CCDC33: variants seen among roughly 807,000 people sequenced by gnomAD.
CCDC33 encodes the protein coiled-coil domain-containing protein 33.
Under a neutral mutation model 91.9 loss-of-function variants are expected in CCDC33, and 94 were observed. The ratio of observed to expected loss-of-function variants is 1.02; its 90% CI spans 0.87 to 1.21. CCDC33 has a LOEUF of 1.21. CCDC33 is among the 50% of genes most tolerant of loss of function. The pLI is 0.00. For missense variants in CCDC33, 940 were observed against 935.5 expected, an observed-to-expected ratio of 1.00 and a Z score of -0.06; for synonymous variants, 396 against 374.5, an observed-to-expected ratio of 1.06 and a Z score of -0.66.
At chr15:74,254,704 G>C (rs1285933636) in intron 2 of CCDC33, among the ~76,000 whole-genome samples, 1 of 150,860 alleles carries the variant, frequency 6.6e-6, no homozygotes, top group Non-Finnish European at 1.5e-5. Context: ...AATGCTCCTG[G>C]CTCAGTCCTT....
upstream of CCDC33, among the ~76,000 whole-genome samples, chr15:74,233,432 C>A (rs1055043799): frequency 1.3e-5 from 2 of 152,246 alleles, no homozygotes; most frequent in African/African-American, 2.4e-5. Flanking sequence ...TCTGAATCCA[C>A]CGGCTGCTGG....
chr15:74,247,834 T>C (rs1386816252), intron 2 of CCDC33, among the ~76,000 whole-genome samples: 3 of 152,206 alleles, frequency 2.0e-5, no homozygotes, highest in Non-Finnish European at 4.4e-5. Flanking sequence ...CCCAGCATTT[T>C]GGGAGGCCAA....
At chr15:74,234,037 C>T (rs1056955387), upstream of CCDC33, among the ~76,000 whole-genome samples, 2 of 152,192 alleles carry the variant, frequency 1.3e-5, no homozygotes, top group East Asian at 3.9e-4. Context: ...CCTCAGACTC[C>T]AGGCCCCAGA....
chr15:74,296,548 C>T (rs909819487), intron 11 of CCDC33, among the ~76,000 whole-genome samples: 1 of 152,114 alleles, frequency 6.6e-6, no homozygotes, highest in Non-Finnish European at 1.5e-5. Context: ...ATCACTTGAA[C>T]CTGGGAGGTG....
chr15:74,215,552 T>TA (rs1256763546), upstream of CCDC33, among the ~76,000 whole-genome samples: 12 of 152,118 alleles, frequency 7.9e-5, no homozygotes, highest in East Asian at 2.3e-3. Context: ...AATTTTTTTT[T>TA]AAAAAGTAAC....
At chr15:74,257,974 G>T (rs1281465172) in intron 2 of CCDC33, among the ~76,000 whole-genome samples, 1 of 152,222 alleles carries the variant, frequency 6.6e-6, no homozygotes, top group Non-Finnish European at 1.5e-5. Flanking sequence ...TGGCTCAGAA[G>T]TTGGCATGGA....
At chr15:74,243,881 G>C (rs2075427504) in intron 1 of CCDC33, 104 bp from the exon 2 acceptor site, 5 of 1,250,566 alleles carry the variant, frequency 4.0e-6, no homozygotes, top group Non-Finnish European at 5.6e-6. Context: ...GGAGGTAGAG[G>C]CTGCAGTGAG....
intron 11 of CCDC33, among the ~76,000 whole-genome samples, chr15:74,308,137 C>G (rs1220192661): frequency 6.6e-6 from 1 of 152,116 alleles, no homozygotes; most frequent in South Asian, 2.1e-4. Context: ...GGTTGTACCC[C>G]GAAGAGGGCC....
In CCDC33 at chr15:74,262,461, G is replaced by C. The variant is rs763126342; in HGVS notation, c.207G>C (p.Lys69Asn). The C allele has an allele frequency of 5.6e-6, 9 of 1,613,960 alleles. No individual in the cohort carries two copies. The South Asian group carries it at 7.7e-5, about 14-fold the overall frequency. ...YVVVKSTSEE[K>N]NNQSSKAVTS... ...CCAGGAAAAGCACATCTGAGGAAAA[G>C]AACAATCAGAGCTCCAAGGCAGTCA... The change falls in exon 3 of 19, where the codon AAG (lysine) becomes AAC (asparagine). Residue 69 changes from lysine to asparagine, a missense_variant. Coordinates refer to ENST00000398814, the MANE Select transcript of CCDC33 (RefSeq NM_025055.5).
chr15:74,291,092 A>C (rs1020822020), intron 10 of CCDC33, among the ~76,000 whole-genome samples: 2 of 152,218 alleles, frequency 1.3e-5, no homozygotes, highest in African/African-American at 2.4e-5. Flanking sequence ...TCATGGCCCC[A>C]CCAAGGATTA....
chr15:74,315,719 G>C (rs535562107), intron 11 of CCDC33, among the ~76,000 whole-genome samples: 1 of 152,296 alleles, frequency 6.6e-6, no homozygotes, highest in African/African-American at 2.4e-5. Context: ...GTAGGTGGGG[G>C]AACTGCGTGA....
chr15:74,279,862 C>T, intron 7 of CCDC33, 101 bp from the exon 8 acceptor site: 1 of 1,478,246 alleles, frequency 6.8e-7, no homozygotes, highest in South Asian at 1.3e-5. Context: ...TTGGGAGAAA[C>T]ATTTGTGACA....
At chr15:74,324,786 T>G (rs1596124696) in intron 11 of CCDC33, among the ~76,000 whole-genome samples, 1 of 120,536 alleles carries the variant, frequency 8.3e-6, no homozygotes, top group Non-Finnish European at 1.8e-5. Context: ...AACACGCTCC[T>G]CCCCCAACCC....
At position 74,295,902 on chromosome 15, in the gene CCDC33, G is replaced by C. The variant is rs748070126; in HGVS notation, c.1244G>C (p.Arg415Pro). 2 of 1,613,886 alleles carry C rather than the reference G, an allele frequency of 1.2e-6. No individual in the cohort carries two copies. Among genetic ancestry groups the C allele is most frequent in the African/African-American group, 2.7e-5 (2 of 74,920 alleles). ...STMDLSTSTP[R>P]EAEEEPLVPE... ...ATGGACTTGAGCACGTCCACTCCAC[G>C]AGAAGCAGAGGAGGAACCTCTGGTG... Residue 415 changes from arginine to proline, a missense_variant, in exon 11 of 19, where the codon CGA (arginine) becomes CCA (proline). Coordinates refer to ENST00000398814, the MANE Select transcript of CCDC33 (RefSeq NM_025055.5).
At chr15:74,262,063 CG>C (rs528310525) in intron 2 of CCDC33, among the ~76,000 whole-genome samples, 80 of 2,378 alleles carry the variant, frequency 0.034, no homozygotes, top group Non-Finnish European at 0.28. Flanking sequence ...TTCCTCCCAC[CG>C]AAACAGAACC....
chr15:74,252,494 C>T (rs77704387), intron 2 of CCDC33, among the ~76,000 whole-genome samples: 3,216 of 152,336 alleles, frequency 0.021, 59 homozygotes, highest in Non-Finnish European at 0.034. Context: ...AAGCTCACTG[C>T]GAGCTCGGCT....
At chr15:74,305,631 C>A (rs1490241349) in intron 11 of CCDC33, among the ~76,000 whole-genome samples, 1 of 152,232 alleles carries the variant, frequency 6.6e-6, no homozygotes. Flanking sequence ...CCTCCTCAGA[C>A]CCCCAGCTGT....
intron 15 of CCDC33, among the ~76,000 whole-genome samples, chr15:74,331,618 A>C (rs1323295492): frequency 6.6e-6 from 1 of 152,224 alleles, no homozygotes; most frequent in African/African-American, 2.4e-5. Flanking sequence ...TCCCCTGAAG[A>C]AGGGCCACCT....
intron 2 of CCDC33, among the ~76,000 whole-genome samples, chr15:74,256,252 G>A (rs773791561): frequency 2.0e-5 from 3 of 152,184 alleles, no homozygotes; most frequent in Non-Finnish European, 4.4e-5. Flanking sequence ...GTCTGAGCCA[G>A]GGAGTGGCCC....
Sources: gnomAD v4.1 joint callset for allele counts (sites outside exome capture counted in the v4.1 genomes callset) on GRCh38, gnomAD v4.1.1 for gene constraint, MANE v1.5 for transcripts, NCBI Gene and HGNC (gene_info 2026-07-23, HGNC 2026-07-21) for gene names.